The following TNS3 variants were observed in gnomAD, a reference collection of about 807,000 sequenced individuals.
The protein encoded by TNS3 is tensin 3.
Under a neutral mutation model 140.9 loss-of-function variants are expected in TNS3, and 45 were observed. The observed-to-expected ratio is 0.32, with a 90% CI of 0.25 to 0.41. TNS3 has a LOEUF of 0.41. Ranked by LOEUF, TNS3 falls within the 10% of genes least tolerant of loss-of-function variation. TNS3 has a pLI of 1.00. For synonymous variants in TNS3, 815 were observed against 788.4 expected (o/e 1.03, Z -0.56); for missense variants, 1,716 against 1,906.7 (o/e 0.90, Z 1.86).
At chr7:47,414,521 G>A (rs1235924696) in intron 11 of TNS3, among the ~76,000 whole-genome samples, 2 of 152,076 alleles carry the variant, frequency 1.3e-5, no homozygotes, top group East Asian at 1.9e-4. Flanking sequence ...GCTGACCCTC[G>A]GCCATATACT....
rs1303742624 is a variant in TNS3, at chr7:47,555,402, A to C, written c.-264-26255T>G. ...AGGGACAAGAGCAAGACTTTGTCTC[A>C]AAAAAAAAAAAAAAAGAAAGTTACA... On this transcript the variant is annotated intron_variant, in intron 1 of 30. Transcript: ENST00000311160. Among the ~76,000 whole-genome samples, 25 of 44,920 alleles carry C rather than the reference A, an allele frequency of 5.6e-4. No homozygotes were observed. The East Asian group carries it at 8.7e-3, about 16-fold the overall frequency. 29.5% of individuals were successfully genotyped at this position (44,920 alleles called of 152,430 possible).
intron 16 of TNS3, among the ~76,000 whole-genome samples, chr7:47,389,019 AAGAAGAAG>A (rs1562674495): frequency 9.4e-4 from 2 of 2,128 alleles, no homozygotes; most frequent in South Asian, 0.024. Context: ...GAAGAAGAAG[AAGAAGAAG>A]AAGAAGAAGA....
At chr7:47,499,663 G>A (rs1458273537) in intron 3 of TNS3, among the ~76,000 whole-genome samples, 1 of 152,220 alleles carries the variant, frequency 6.6e-6, no homozygotes, top group African/African-American at 2.4e-5. Flanking sequence ...TTCTGGAAAA[G>A]GCAACACTAT....
intron 17 of TNS3, 128 bp from the exon 18 acceptor site, chr7:47,346,484 G>A (rs1789353223): frequency 3.4e-6 from 4 of 1,163,854 alleles, no homozygotes; most frequent in Admixed American, 2.6e-5. Flanking sequence ...ACTGCTCTGG[G>A]AAGATGCTGT....
intron 16 of TNS3, among the ~76,000 whole-genome samples, chr7:47,394,960 A>G (rs980190295): frequency 3.9e-5 from 6 of 152,242 alleles, no homozygotes; most frequent in African/African-American, 1.2e-4. Flanking sequence ...TGCCCTCCAG[A>G]GCATGCTCCT....
At chr7:47,549,079 A>G (rs958209789) in intron 1 of TNS3, among the ~76,000 whole-genome samples, 1 of 152,246 alleles carries the variant, frequency 6.6e-6, no homozygotes, top group African/African-American at 2.4e-5. Flanking sequence ...TGAACTGACC[A>G]TCTCTGTGCA....
chr7:47,530,270 T>C (rs73332505), intron 1 of TNS3, among the ~76,000 whole-genome samples: 2,892 of 152,238 alleles, frequency 0.019, 95 homozygotes, highest in African/African-American at 0.065. Flanking sequence ...ACTGGCAGAT[T>C]AGATCCTGCA....
At chr7:47,563,824 C>T (rs1214732110) in intron 1 of TNS3, among the ~76,000 whole-genome samples, 1 of 152,220 alleles carries the variant, frequency 6.6e-6, no homozygotes, top group African/African-American at 2.4e-5. Context: ...TATGCATCCT[C>T]TTGGCTAGGC....
intron 3 of TNS3, among the ~76,000 whole-genome samples, chr7:47,483,858 T>C (rs1350613104): frequency 6.6e-6 from 1 of 152,230 alleles, no homozygotes; most frequent in Non-Finnish European, 1.5e-5. Context: ...TCGAACTCCA[T>C]CCATCACTTG....
chr7:47,558,251 G>GGTGCC (rs1800248951), intron 1 of TNS3, among the ~76,000 whole-genome samples: 1 of 152,178 alleles, frequency 6.6e-6, no homozygotes, highest in Non-Finnish European at 1.5e-5. Flanking sequence ...ACAGCAAGCC[G>GGTGCC]GTGCCGAGGA....
intron 1 of TNS3, among the ~76,000 whole-genome samples, chr7:47,552,438 G>A (rs149205409): frequency 6.6e-6 from 1 of 152,248 alleles, no homozygotes; most frequent in African/African-American, 2.4e-5. Flanking sequence ...CAAACTAAAG[G>A]TTTGTGGCAA....
chr7:47,466,591 G>A (rs1312592765), intron 4 of TNS3, among the ~76,000 whole-genome samples: 1 of 152,220 alleles, frequency 6.6e-6, no homozygotes. Flanking sequence ...CTTCCTGTCA[G>A]TTGCAGATGG....
rs1793537710 is a variant in TNS3 at position 47,407,941 on chromosome 7, G to A, written c.723+3786C>T. Among the ~76,000 whole-genome samples the A allele has an allele frequency of 2.0e-5, 3 of 152,186 alleles. No homozygotes were observed. The highest frequency in any genetic ancestry group is 6.5e-5 in the Admixed American group (1 of 15,288). ...GACCAAAGGGTGAAGCCTGAGTTGA[G>A]AGGTCAGGGCCAGGGTGGGTGGACA... On this transcript the variant is annotated intron_variant, in intron 13 of 30. Transcript: ENST00000311160. The surrounding 1 kb of genome is among the most constrained non-coding windows in gnomAD (Gnocchi z 4.1).
chr7:47,453,199 G>A (rs780159662), intron 4 of TNS3: 217 of 985,556 alleles, frequency 2.2e-4, no homozygotes, highest in Non-Finnish European at 2.6e-4. Context: ...GGAGCTCACA[G>A]GACAATGTCC....
At chr7:47,409,124 G>C (rs527708537) in intron 13 of TNS3, among the ~76,000 whole-genome samples, 2 of 152,282 alleles carry the variant, frequency 1.3e-5, no homozygotes, top group South Asian at 2.1e-4. Flanking sequence ...AGGGAGCAGA[G>C]AGGAGGAAAA....
At chr7:47,537,831 G>A (rs572189571) in intron 1 of TNS3, among the ~76,000 whole-genome samples, 82 of 152,150 alleles carry the variant, frequency 5.4e-4, no homozygotes, top group Admixed American at 2.1e-3. Flanking sequence ...CTAGGAGCCT[G>A]GCCTTGCAGA....
At chr7:47,343,179 C>G (rs560732701) in intron 20 of TNS3, among the ~76,000 whole-genome samples, 2 of 152,202 alleles carry the variant, frequency 1.3e-5, no homozygotes, top group African/African-American at 2.4e-5. Flanking sequence ...CATAGTGCAG[C>G]GCTCATCCAC....
chr7:47,556,280 A>T (rs1378296879), intron 1 of TNS3, among the ~76,000 whole-genome samples: 4 of 152,226 alleles, frequency 2.6e-5, no homozygotes, highest in Non-Finnish European at 4.4e-5. Flanking sequence ...CGTGATTTTT[A>T]AAAAATTACC....
At chr7:47,566,010 G>A (rs1412349560) in intron 1 of TNS3, among the ~76,000 whole-genome samples, 1 of 72,106 alleles carries the variant, frequency 1.4e-5, no homozygotes, top group Non-Finnish European at 2.7e-5. Context: ...CAGCTTCACT[G>A]GGGTTTCAGA....
Sources: allele counts gnomAD v4.1 joint callset (sites outside exome capture counted in the v4.1 genomes callset), GRCh38; gene constraint gnomAD v4.1.1; non-coding constraint Gnocchi (gnomAD v3.1); transcripts MANE v1.5; gene names NCBI Gene and HGNC (gene_info 2026-07-23, HGNC 2026-07-21).